GALNT9: variants seen among roughly 807,000 people sequenced by gnomAD.
GALNT9 encodes the protein polypeptide N-acetylgalactosaminyltransferase 9, also known as GalNAc transferase 9.
GALNT9 carries 47 observed loss-of-function variants against 63.1 expected under a neutral mutation model. That is an observed-to-expected ratio of 0.75 (90% CI 0.59 to 0.95). GALNT9 has a LOEUF of 0.95. GALNT9 is among the 40% of genes least tolerant of loss of function. The probability of loss-of-function intolerance (pLI) is 0.00; values close to 1 mark genes in which losing one functional copy is unlikely to be tolerated. For missense variants in GALNT9, 829 were observed against 874.8 expected, an observed-to-expected ratio of 0.95 and a Z score of 0.66; for synonymous variants, 396 against 365.7, an observed-to-expected ratio of 1.08 and a Z score of -0.94.
At chr12:132,201,585 C>G (rs370362542) in intron 7 of GALNT9, among the ~76,000 whole-genome samples, 252 of 152,322 alleles carry the variant, frequency 1.7e-3, no homozygotes, top group African/African-American at 5.8e-3. Context: ...GCTCACCTGG[C>G]CTTACTGCAC....
At chr12:132,281,281 C>A (rs1555241663) in intron 2 of GALNT9, among the ~76,000 whole-genome samples, 1 of 152,200 alleles carries the variant, frequency 6.6e-6, no homozygotes, top group Non-Finnish European at 1.5e-5. Context: ...TCCGCAGGCA[C>A]CGGGGAAGCT....
At chr12:132,258,063 C>T (rs1322108552) in intron 4 of GALNT9, among the ~76,000 whole-genome samples, 177 bp from the exon 5 acceptor site, 5 of 152,200 alleles carry the variant, frequency 3.3e-5, no homozygotes. Flanking sequence ...CTCTCAGCAG[C>T]AGACCCACCC....
intron 6 of GALNT9, among the ~76,000 whole-genome samples, chr12:132,221,861 AT>A (rs1358002709): frequency 6.6e-6 from 1 of 152,092 alleles, no homozygotes; most frequent in East Asian, 1.9e-4. Context: ...CTGGAATCGA[AT>A]TTCAGCAAAA....
In GALNT9 at chr12:132,286,109, G is replaced by T. The variant is rs1301343360; in HGVS notation, c.419+141C>A. On this transcript the variant is annotated intron_variant, in intron 2 of 10. Transcript: ENST00000328957. This position sits in a 1 kb window ranked among gnomAD's most constrained non-coding sequence, Gnocchi z 7.4. ...GGGCGGTCACTTCCCCGGCGGGCGT[G>T]GGGGGCGGTCACTTCCCTGGCGGGC... The T allele has an allele frequency of 2.8e-6, 3 of 1,086,254 alleles. No homozygotes were observed. Among genetic ancestry groups the T allele is most frequent in the South Asian group, 3.5e-5 (2 of 57,274 alleles). 67.3% of individuals were successfully genotyped at this position (1,086,254 alleles called of 1,614,324 possible).
Position 132,199,615 on chromosome 12 carries a change from C to T in GALNT9, c.1402-346G>A, listed in dbSNP as rs4074185. On this transcript the variant is annotated intron_variant, in intron 8 of 10. Transcript: ENST00000328957. ...CGGCTCCCACTGAGTGGGTAGAGAC[C>T]GCTCGCCAGCCTTGCAGTCTAGGCT... is the stretch of plus-strand genomic sequence containing the variant. Among the ~76,000 whole-genome samples, 1,261 of 152,250 alleles carry T rather than the reference C, an allele frequency of 8.3e-3. 31 individuals are homozygous for T. The highest frequency in any genetic ancestry group is 0.052 in the Admixed American group (796 of 15,298).
intron 1 of GALNT9, among the ~76,000 whole-genome samples, chr12:132,324,645 G>C (rs1379814291): frequency 6.6e-6 from 1 of 152,164 alleles, no homozygotes; most frequent in African/African-American, 2.4e-5. Context: ...CCCGGCTCTT[G>C]TCAGGGAGAC....
intron 1 of GALNT9, among the ~76,000 whole-genome samples, chr12:132,291,413 C>T (rs1314458656): frequency 7.5e-6 from 1 of 132,660 alleles, no homozygotes; most frequent in African/African-American, 3.0e-5. Context: ...ACAGCGCACA[C>T]GTCCACAGCA....
rs146669969 is a variant in GALNT9, at chr12:132,276,857, G to A, written c.419+9393C>T. On this transcript the variant is annotated intron_variant, in intron 2 of 10. Coordinates refer to ENST00000328957, the MANE Select transcript of GALNT9 (RefSeq NM_001122636.2). ...TAATGGAGAAAGTGGTGAGGAGTTGGGTTTGAAAGTGGATGGAATCACCTG... is the reference window on the plus strand; with the variant it reads ...TAATGGAGAAAGTGGTGAGGAGTTGAGTTTGAAAGTGGATGGAATCACCTG... Among the ~76,000 whole-genome samples the A allele has an allele frequency of 3.7e-4, 56 of 152,254 alleles. 1 individual carries two copies. The highest frequency in any genetic ancestry group is 3.3e-3 in the East Asian group (17 of 5,188).
chr12:132,218,204 G>A (rs758528587), intron 6 of GALNT9, among the ~76,000 whole-genome samples: 2 of 152,204 alleles, frequency 1.3e-5, no homozygotes, highest in Non-Finnish European at 2.9e-5. Context: ...TCTGGGCGCT[G>A]TGCAAAGCTG....
At chr12:132,239,453 GGCAGAGAGAGACAGAGAGAC>G (rs1878143884) in intron 6 of GALNT9, among the ~76,000 whole-genome samples, 1 of 147,516 alleles carries the variant, frequency 6.8e-6, no homozygotes, top group African/African-American at 2.5e-5. Flanking sequence ...GAGACAGAGA[GGCAGAGAGAGACAGAGAGAC>G]AAAGAGACAG....
At chr12:132,198,602 C>T (rs1484038962) in intron 9 of GALNT9, among the ~76,000 whole-genome samples, 1 of 152,206 alleles carries the variant, frequency 6.6e-6, no homozygotes, top group Non-Finnish European at 1.5e-5. Flanking sequence ...GTTGCCGTCT[C>T]TCTTGACTGA....
intron 6 of GALNT9, among the ~76,000 whole-genome samples, chr12:132,244,290 GGCGTGGT>G (rs1878611495): frequency 1.8e-4 from 2 of 11,064 alleles, no homozygotes; most frequent in African/African-American, 5.9e-4. Context: ...TGGACGGGGG[GGCGTGGT>G]GATGGGGCTG....
rs531807589 is a variant in GALNT9 at position 132,288,470 on chromosome 12, G to A, written c.239-2040C>T. Among the ~76,000 whole-genome samples, 9 of 152,384 alleles carry A rather than the reference G, an allele frequency of 5.9e-5. 1 individual carries two copies. In the East Asian group the frequency reaches 1.7e-3, roughly 29 times the overall value. On this transcript the variant is annotated intron_variant, in intron 1 of 10. Transcript: ENST00000328957. ...GCACTTGCATTTTTCACTTTGGAAAGTCTGGAATTGGATGTCTCCCAGAGG... is the reference window on the plus strand; with the variant it reads ...GCACTTGCATTTTTCACTTTGGAAAATCTGGAATTGGATGTCTCCCAGAGG...
At position 132,289,097 on chromosome 12, in the gene GALNT9, G is replaced by A. The variant is rs75237016; in HGVS notation, c.239-2667C>T. Reference sequence around the variant, plus strand: ...AGGGCATATCTTGCCGTGAATCACAGTCATGCGTGGCAATCCACACTCATG... The same window carrying A: ...AGGGCATATCTTGCCGTGAATCACAATCATGCGTGGCAATCCACACTCATG... On this transcript the variant is annotated intron_variant, in intron 1 of 10. Coordinates refer to ENST00000328957, the MANE Select transcript of GALNT9 (RefSeq NM_001122636.2). 4.8e-3 allele frequency among the ~76,000 whole-genome samples: 730 copies of A among 152,342 alleles called. 4 individuals carry two copies. Among genetic ancestry groups the A allele is most frequent in the Non-Finnish European group, 7.7e-3 (524 of 68,028 alleles).
chr12:132,291,528 A>G (rs1391690399), intron 1 of GALNT9, among the ~76,000 whole-genome samples: 7 of 139,298 alleles, frequency 5.0e-5, no homozygotes, highest in Non-Finnish European at 1.1e-4. Flanking sequence ...CATCCACAGC[A>G]CCCACGTCCA....
rs1025432706 is a variant in GALNT9, at chr12:132,258,612, C to T, written c.762-726G>A. ...GTCTCAGAGGGTGCGGCAGCTGCAC[C>T]GAAGCCCGGGCGTGTGCCTAATGGG... On this transcript the variant is annotated intron_variant, in intron 4 of 10. Transcript: ENST00000328957. Among the ~76,000 whole-genome samples, 7 of 152,186 alleles carry T rather than the reference C, an allele frequency of 4.6e-5. No homozygotes were observed. The South Asian group carries it at 1.0e-3, about 23-fold the overall frequency.
At chr12:132,271,276 C>G (rs999166222) in intron 2 of GALNT9, among the ~76,000 whole-genome samples, 1 of 150,480 alleles carries the variant, frequency 6.6e-6, no homozygotes, top group Admixed American at 6.6e-5. Context: ...TGCCAGGGCT[C>G]GAGGGTGGGG....
At chr12:132,270,648 C>T (rs1234199609) in intron 2 of GALNT9, among the ~76,000 whole-genome samples, 6 of 152,150 alleles carry the variant, frequency 3.9e-5, no homozygotes, top group Non-Finnish European at 7.3e-5. Context: ...AGCTGTCGGC[C>T]GTCATCTCCC....
Position 132,236,685 on chromosome 12 carries a change from C to T in GALNT9, c.1077+11225G>A, listed in dbSNP as rs2136894909. ...AGCCATCCCGAAGATCGCCCAGCCT[C>T]GCAAGGTGTAAGGTTTCGGGGCATC... On this transcript the variant is annotated intron_variant, in intron 6 of 10. Coordinates refer to ENST00000328957, the MANE Select transcript of GALNT9 (RefSeq NM_001122636.2). This position sits in a 1 kb window ranked among gnomAD's most constrained non-coding sequence, Gnocchi z 5.6. 2.6e-5 allele frequency among the ~76,000 whole-genome samples: 4 copies of T among 152,184 alleles called. No individual in the cohort carries two copies. Among genetic ancestry groups the T allele is most frequent in the Admixed American group, 6.5e-5 (1 of 15,286 alleles).
Sources: allele counts gnomAD v4.1 joint callset (sites outside exome capture counted in the v4.1 genomes callset), GRCh38; gene constraint gnomAD v4.1.1; non-coding constraint Gnocchi (gnomAD v3.1); transcripts MANE v1.5; gene names NCBI Gene and HGNC (gene_info 2026-07-23, HGNC 2026-07-21).